SPOCK3: variants seen among roughly 807,000 people sequenced by gnomAD.
SPOCK3 encodes SPARC (osteonectin), cwcv and kazal like domains proteoglycan 3.
In SPOCK3, 30 loss-of-function variants were observed where a neutral mutation model predicts 56.6. That is an observed-to-expected ratio of 0.53 (90% CI 0.40 to 0.72). SPOCK3 has a LOEUF of 0.72. Among genes scored for constraint, SPOCK3 ranks in the 30% least tolerant of loss-of-function variants. The probability of loss-of-function intolerance (pLI) is 0.00; values close to 1 mark genes in which losing one functional copy is unlikely to be tolerated. For synonymous variants in SPOCK3, 196 were observed against 183.3 expected (o/e 1.07, Z -0.56); for missense variants, 527 against 530.0 (o/e 0.99, Z 0.06).
intron 2 of SPOCK3, among the ~76,000 whole-genome samples, chr4:167,153,163 T>A (rs1361106991): frequency 2.6e-5 from 4 of 152,194 alleles, no homozygotes; most frequent in Non-Finnish European, 5.9e-5. Context: ...CCACCACATA[T>A]GGTTAGTATG....
At chr4:166,834,742 A>G (rs896939151) in intron 6 of SPOCK3, among the ~76,000 whole-genome samples, 4 of 152,202 alleles carry the variant, frequency 2.6e-5, no homozygotes, top group Non-Finnish European at 5.9e-5. Flanking sequence ...ATGACCACAG[A>G]ATTCTATATT....
At chr4:167,071,442 C>A (rs1328014657) in intron 2 of SPOCK3, among the ~76,000 whole-genome samples, 3 of 150,440 alleles carry the variant, frequency 2.0e-5, no homozygotes, top group African/African-American at 7.3e-5. Context: ...ACCCTGTGTT[C>A]ATGTGTTCTC....
chr4:166,914,235 TA>T (rs77771162), intron 4 of SPOCK3, among the ~76,000 whole-genome samples: 83 of 148,186 alleles, frequency 5.6e-4, no homozygotes, highest in African/African-American at 1.6e-3. Flanking sequence ...AGGATTGTAG[TA>T]AAAAAAAAAT....
intron 6 of SPOCK3, among the ~76,000 whole-genome samples, chr4:166,857,101 G>GAGTA (rs2126893417): frequency 6.6e-6 from 1 of 152,254 alleles, no homozygotes; most frequent in East Asian, 1.9e-4. Flanking sequence ...TTCTTGTTCT[G>GAGTA]ACTCTACAAT....
At chr4:166,958,839 G>C (rs1743814124) in intron 4 of SPOCK3, among the ~76,000 whole-genome samples, 1 of 152,158 alleles carries the variant, frequency 6.6e-6, no homozygotes, top group Non-Finnish European at 1.5e-5. Flanking sequence ...CACCAGAACT[G>C]AAAACTTCAT....
chr4:167,084,244 C>T (rs935294135), intron 2 of SPOCK3, among the ~76,000 whole-genome samples: 1 of 151,984 alleles, frequency 6.6e-6, no homozygotes, highest in African/African-American at 2.4e-5. Flanking sequence ...TTGATCATTG[C>T]CTGAATATGC....
Position 166,992,473 on chromosome 4 carries a change from A to G in SPOCK3, c.350+7876T>C, listed in dbSNP as rs147985267. ...AATAGACTGAATTGGAAGAACTAGA[A>G]TAATCATTATTCTTAATAGGCAGCT... On this transcript the variant is annotated intron_variant, in intron 4 of 10. Coordinates refer to ENST00000357545, the MANE Select transcript of SPOCK3 (RefSeq NM_001040159.2). Among the ~76,000 whole-genome samples the G allele has an allele frequency of 5.2e-4, 79 of 152,302 alleles. 1 individual carries two copies. The Middle Eastern group carries it at 0.01, about 20-fold the overall frequency.
rs1266975768 is a variant in SPOCK3 at position 167,177,949 on chromosome 4, T to C, written c.189+56036A>G. ...TTTCCAAATATCAGGGCTGCTTTCC[T>C]CTTTTTCTGTCTCTGAATTATCTAT... On this transcript the variant is annotated intron_variant, in intron 2 of 10. Coordinates refer to ENST00000357545, the MANE Select transcript of SPOCK3 (RefSeq NM_001040159.2). Among the ~76,000 whole-genome samples, 2 of 152,158 alleles carry C rather than the reference T, an allele frequency of 1.3e-5. 1 individual carries two copies.
At chr4:167,196,957 A>G (rs997491179) in intron 2 of SPOCK3, among the ~76,000 whole-genome samples, 1 of 152,174 alleles carries the variant, frequency 6.6e-6, no homozygotes, top group African/African-American at 2.4e-5. Context: ...TTTGCCATAT[A>G]ACAGAAGCTA....
chr4:166,923,960 G>A (rs1358800202), intron 4 of SPOCK3, among the ~76,000 whole-genome samples: 1 of 152,034 alleles, frequency 6.6e-6, no homozygotes, highest in Non-Finnish European at 1.5e-5. Flanking sequence ...AATGATAATG[G>A]GGTTTCTTTT....
At chr4:167,056,714 A>G (rs912008842) in intron 3 of SPOCK3, among the ~76,000 whole-genome samples, 3 of 152,206 alleles carry the variant, frequency 2.0e-5, no homozygotes, top group African/African-American at 7.2e-5. Flanking sequence ...AATGAAATGA[A>G]GCGAGAAGGG....
intron 2 of SPOCK3, among the ~76,000 whole-genome samples, chr4:167,196,556 G>A (rs1732972610): frequency 6.6e-6 from 1 of 151,078 alleles, no homozygotes; most frequent in Admixed American, 6.6e-5. Context: ...TGAATTTATT[G>A]ATTCCGTAAG....
chr4:167,234,475 G>A lies in SPOCK3; in HGVS notation c.-26C>T, dbSNP rs1051152988. On this transcript the variant is annotated 5_prime_UTR_variant, in exon 1 of 11. Coordinates refer to ENST00000357545, the MANE Select transcript of SPOCK3 (RefSeq NM_001040159.2). ...CTTGTTGTGAGCCAGCACTGTGCTCGCAGCTCCTGCTGGAAATGCAGCCCT... is the reference window on the plus strand; with the variant it reads ...CTTGTTGTGAGCCAGCACTGTGCTCACAGCTCCTGCTGGAAATGCAGCCCT... 3 of 416,818 alleles carry A rather than the reference G, an allele frequency of 7.2e-6. No individual in the cohort carries two copies. The highest frequency in any genetic ancestry group is 4.4e-6 in the Non-Finnish European group (1 of 228,338). 25.8% of individuals were successfully genotyped at this position (416,818 alleles called of 1,614,324 possible).
At chr4:167,004,992 C>T (rs994500228) in intron 3 of SPOCK3, among the ~76,000 whole-genome samples, 3 of 152,152 alleles carry the variant, frequency 2.0e-5, no homozygotes, top group Non-Finnish European at 2.9e-5. Context: ...AAAGAATGTA[C>T]GTTAGAAACA....
intron 2 of SPOCK3, among the ~76,000 whole-genome samples, chr4:167,069,529 G>T (rs1447458322): frequency 1.3e-5 from 2 of 151,876 alleles, no homozygotes; most frequent in Admixed American, 1.3e-4. Context: ...TTCGTAGCGG[G>T]CGGGTTTGTT....
At chr4:166,846,980 C>G (rs938407731) in intron 6 of SPOCK3, among the ~76,000 whole-genome samples, 1 of 152,078 alleles carries the variant, frequency 6.6e-6, no homozygotes. Flanking sequence ...AAAGCCTGTG[C>G]TTAATTTTGT....
intron 2 of SPOCK3, among the ~76,000 whole-genome samples, chr4:167,137,381 G>A (rs570921271): frequency 7.9e-5 from 12 of 151,778 alleles, no homozygotes; most frequent in Non-Finnish European, 1.3e-4. Flanking sequence ...AAATAGGTGT[G>A]GTTACATTTC....
At chr4:167,215,096 A>G (rs1008771323) in intron 2 of SPOCK3, among the ~76,000 whole-genome samples, 4 of 152,050 alleles carry the variant, frequency 2.6e-5, no homozygotes, top group African/African-American at 9.7e-5. Flanking sequence ...TTTAGGAAAG[A>G]CTGTCTAGAA....
At chr4:167,012,510 A>G (rs1750181519) in intron 3 of SPOCK3, among the ~76,000 whole-genome samples, 1 of 151,978 alleles carries the variant, frequency 6.6e-6, no homozygotes, top group South Asian at 2.1e-4. Context: ...ATTAAGTTAT[A>G]TTTAGGTGAT....
Sources: gnomAD v4.1 joint callset for allele counts (sites outside exome capture counted in the v4.1 genomes callset) on GRCh38, gnomAD v4.1.1 for gene constraint, MANE v1.5 for transcripts, NCBI Gene and HGNC (gene_info 2026-07-23, HGNC 2026-07-21) for gene names.